The following PNPO variants were observed in gnomAD, a reference collection of about 807,000 sequenced individuals.
The protein encoded by PNPO is pyridoxine-5'-phosphate oxidase.
A neutral mutation model predicts 35.0 loss-of-function variants in PNPO; 39 were observed. The ratio of observed to expected loss-of-function variants is 1.11; its 90% CI spans 0.86 to 1.45. The LOEUF (loss-of-function observed/expected upper bound fraction) is 1.45. PNPO is among the 40% of genes most tolerant of loss of function. The pLI, the probability that PNPO is intolerant of heterozygous loss-of-function variation, is 0.00. For missense variants in PNPO, 288 were observed against 340.0 expected, an observed-to-expected ratio of 0.85 and a Z score of 1.20; for synonymous variants, 115 against 119.8, an observed-to-expected ratio of 0.96 and a Z score of 0.26.
Position 47,948,547 on chromosome 17 carries a change from C to T in PNPO, c.*1765C>T, listed in dbSNP as rs2144169365. On this transcript the variant is annotated 3_prime_UTR_variant, in exon 7 of 7. Transcript: ENST00000642017. ...AAGGTTGAGACCTCCTAGTCTAGAG[C>T]TTTGCTATACACAGGGTGGTCCACA... The T allele has an allele frequency of 6.6e-6, 1 of 152,320 alleles. No individual in the cohort carries two copies. Among genetic ancestry groups the T allele is most frequent in the South Asian group, 2.1e-4 (1 of 4,832 alleles). The allele number at this position is 152,320 out of a possible 1,614,324, so 9.4% of individuals were successfully genotyped here.
intron 1 of PNPO, chr17:47,942,186 A>C: frequency 3.4e-6 from 1 of 297,988 alleles, no homozygotes; most frequent in East Asian, 1.2e-4. Flanking sequence ...AGTGCTTAGA[A>C]CCCTGCTACT....
rs2036038872 is a variant in PNPO at position 47,948,662 on chromosome 17, G to A, written c.*1880G>A. 6.6e-6 allele frequency: 1 copy of A among 152,208 alleles called. No homozygotes were observed. The highest frequency in any genetic ancestry group is 2.4e-5 in the African/African-American group (1 of 41,416). The allele number at this position is 152,208 out of a possible 1,614,324, so 9.4% of individuals were successfully genotyped here. ...GACCCTGCATTTTCACTAGACCCCA[G>A]GTGATCAGCTGCACTAGACTCAACC... On this transcript the variant is annotated 3_prime_UTR_variant, in exon 7 of 7. Transcript: ENST00000642017.
intron 1 of PNPO, 58 bp from the exon 2 acceptor site, chr17:47,943,248 C>T: frequency 7.1e-7 from 1 of 1,408,888 alleles, no homozygotes; most frequent in Non-Finnish European, 1.0e-6. Flanking sequence ...TAGAACAGTG[C>T]CAGGTCCATA....
intron 2 of PNPO, among the ~76,000 whole-genome samples, chr17:47,943,747 G>T (rs971679678): frequency 3.9e-5 from 6 of 152,180 alleles, no homozygotes; most frequent in African/African-American, 1.4e-4. Flanking sequence ...TACTTCTCCT[G>T]GTGAAGCTCT....
chr17:47,946,004 G>A lies in PNPO; in HGVS notation c.546+15G>A, dbSNP rs71377328. On this transcript the variant is annotated intron_variant, in intron 5 of 6. Transcript: ENST00000642017. ...CTGATCGGGAGGTGAGTGGAGCTCC[G>A]CTGTAGTCCTCCAGGTGGTGGAGGC... 4.0e-3 allele frequency: 6,461 copies of A among 1,613,302 alleles called. 187 individuals are homozygous for A. In the African/African-American group the frequency reaches 0.064, roughly 16 times the overall value.
Position 47,946,624 on chromosome 17 carries a change from G to C in PNPO, c.628G>C (p.Val210Leu), listed in dbSNP as rs146339491. Residue 210 changes from valine to leucine, a missense_variant, in exon 7 of 7, where the codon GTC becomes CTC. Transcript: ENST00000642017. ...VPKPKSWGGY[V>L]LYPQVMEFWQ... The stretch of plus-strand genomic sequence containing the variant: ...TGCTTCTCCTTATAGGGGTGGCTAT[G>C]TCCTGTACCCTCAGGTGATGGAGTT... The C allele has an allele frequency of 1.2e-6, 2 of 1,614,084 alleles. No individual in the cohort carries two copies. The highest frequency in any genetic ancestry group is 1.7e-6 in the Non-Finnish European group (2 of 1,180,028).
In PNPO at chr17:47,941,618, C is replaced by T. The variant is rs2035934231; in HGVS notation, c.-58C>T. 6.8e-7 allele frequency: 1 copy of T among 1,470,104 alleles called. No individual in the cohort carries two copies. Among genetic ancestry groups the T allele is most frequent in the Non-Finnish European group, 9.1e-7 (1 of 1,102,424 alleles). 91.1% of individuals were successfully genotyped at this position (1,470,104 alleles called of 1,614,324 possible). On this transcript the variant is annotated 5_prime_UTR_variant, in exon 1 of 7. Coordinates refer to ENST00000642017, the MANE Select transcript of PNPO (RefSeq NM_018129.4). ...GAAGTCCAGGGTGAGAAATTGGTTC[C>T]GAACTCAAAGGAACCCAGTGCCGGG...
rs148839273 is a variant in PNPO at position 47,944,698 on chromosome 17, C to A, written c.346C>A (p.Arg116=). 4 of 1,613,754 alleles carry A rather than the reference C, an allele frequency of 2.5e-6. No homozygotes were observed. In the African/African-American group the frequency reaches 5.3e-5, roughly 22 times the overall value. Residue 116 remains arginine, a synonymous_variant, in exon 3 of 7, where the codon CGA becomes AGA. Coordinates refer to ENST00000642017, the MANE Select transcript of PNPO (RefSeq NM_018129.4). ...CCGCTTCTTCACTAACTTCGAGAGTCGAAAAGGAAAAGAGCTGGTGGGTGA... is the reference window on the plus strand; with the variant it reads ...CCGCTTCTTCACTAACTTCGAGAGTAGAAAAGGAAAAGAGCTGGTGGGTGA... The part of the protein sequence containing the change: ...GFRFFTNFES[R]KGKELDSNPF...
In PNPO at chr17:47,943,284, T is replaced by A. The variant is rs560967358; in HGVS notation, c.139-22T>A. ...GTAAGCACTATATATGTTTATTAAA[T>A]GAAATAAATCTCCTTTCCTAGGCAT... On this transcript the variant is annotated intron_variant, in intron 1 of 6. Coordinates refer to ENST00000642017, the MANE Select transcript of PNPO (RefSeq NM_018129.4). 2.5e-6 allele frequency: 4 copies of A among 1,605,088 alleles called. No homozygotes were observed. In the African/African-American group the frequency reaches 5.3e-5, roughly 21 times the overall value.
At chr17:47,943,502 G>T (rs2035970610) in intron 2 of PNPO, 72 bp downstream of exon 2, 1 of 1,575,948 alleles carries the variant, frequency 6.3e-7, no homozygotes, top group Admixed American at 1.7e-5. Flanking sequence ...TCTCTACTCT[G>T]GATGCCAATT....
chr17:47,944,805 C>A (rs947353382), intron 3 of PNPO, 90 bp downstream of exon 3: 11 of 995,650 alleles, frequency 1.1e-5, no homozygotes, highest in Non-Finnish European at 1.6e-5. Context: ...CCCACCCCCC[C>A]AGTCTACTTG....
chr17:47,942,903 G>A (rs2035960268), intron 1 of PNPO, among the ~76,000 whole-genome samples: 1 of 152,170 alleles, frequency 6.6e-6, no homozygotes, highest in African/African-American at 2.4e-5. Flanking sequence ...TCCAGCCTAG[G>A]TGACAGAGTG....
intron 1 of PNPO, among the ~76,000 whole-genome samples, 177 bp from the exon 2 acceptor site, chr17:47,943,115 TCTGAGTTTTTATGC>T (rs2035963754): frequency 6.6e-6 from 1 of 152,170 alleles, no homozygotes. Flanking sequence ...CAGCAAGTTG[TCTGAGTTTTTATGC>T]CTGTTTCCTC....
chr17:47,944,584 T>A (rs529071917), intron 2 of PNPO, 32 bp from the exon 3 acceptor site: 9 of 1,530,792 alleles, frequency 5.9e-6, no homozygotes, highest in Middle Eastern at 1.9e-4. Flanking sequence ...TGAAGCAGAC[T>A]CTGACCACAG....
At chr17:47,943,738 A>G (rs576259676) in intron 2 of PNPO, among the ~76,000 whole-genome samples, 2 of 152,282 alleles carry the variant, frequency 1.3e-5, no homozygotes, top group East Asian at 1.9e-4. Context: ...TTCAGGAGCT[A>G]CTTCTCCTGG....
At chr17:47,946,275 A>G (rs1462838729) in intron 5 of PNPO, 48 bp from the exon 6 acceptor site, 1 of 1,398,748 alleles carries the variant, frequency 7.1e-7, no homozygotes, top group African/African-American at 1.4e-5. Context: ...CTTGTTAATG[A>G]ATCATTGACT....
In PNPO at chr17:47,943,382, G is replaced by A. The variant is rs1479227098; in HGVS notation, c.215G>A (p.Cys72Tyr). The change falls in exon 2 of 7, where the codon TGT becomes TAT. Residue 72 changes from cysteine to tyrosine, a missense_variant. Physicochemically the swap from Cys to Tyr is radical, Grantham distance 194. Transcript: ENST00000642017. ...GCCTGGTTTGAGGAGGCTGTTCAGT[G>A]TCCTGACATAGGGGAAGCCAATGCC... Reference protein sequence around the residue: ...FAAWFEEAVQCPDIGEANAMC... With the variant: ...FAAWFEEAVQYPDIGEANAMC... 2.5e-6 allele frequency: 4 copies of A among 1,614,056 alleles called. No individual in the cohort carries two copies. Among genetic ancestry groups the A allele is most frequent in the Non-Finnish European group, 3.4e-6 (4 of 1,179,902 alleles).
In PNPO at chr17:47,946,870, C is replaced by A; in HGVS notation, c.*88C>A. The A allele has an allele frequency of 8.0e-7, 1 of 1,244,848 alleles. No individual in the cohort carries two copies. The highest frequency in any genetic ancestry group is 1.2e-6 in the Non-Finnish European group (1 of 857,374). 77.1% of individuals were successfully genotyped at this position (1,244,848 alleles called of 1,614,324 possible). Reference sequence around the variant, plus strand: ...GGACCCAGGCCCTTCTTTCTAAACTCAACCCATTTCCCTCCCTACCCCTTA... The same window carrying A: ...GGACCCAGGCCCTTCTTTCTAAACTAAACCCATTTCCCTCCCTACCCCTTA... On this transcript the variant is annotated 3_prime_UTR_variant, in exon 7 of 7. Transcript: ENST00000642017.
rs866454740 is a variant in PNPO, at chr17:47,941,787, C to A, written c.112C>A (p.Arg38Ser). The A allele has an allele frequency of 6.4e-6, 10 of 1,569,994 alleles. No homozygotes were observed. In the East Asian group the frequency reaches 1.9e-4, roughly 30 times the overall value. The change falls in exon 1 of 7, where the codon CGC becomes AGC. Residue 38 changes from arginine (R) to serine (S), a missense_variant. By Grantham distance (110) the Arg-to-Ser change is moderately radical (BLOSUM62 -1). Transcript: ENST00000642017. ...TGCTGCCATGGACCTGGGACCCATG[C>A]GCAAGAGTTACCGCGGGGACCGAGA... The part of the protein sequence containing the change: ...RSAAMDLGPM[R>S]KSYRGDREAF...
Sources: allele counts gnomAD v4.1 joint callset (sites outside exome capture counted in the v4.1 genomes callset), GRCh38; gene constraint gnomAD v4.1.1; transcripts MANE v1.5; gene names NCBI Gene and HGNC (gene_info 2026-07-23, HGNC 2026-07-21).